Variants in IL27RA observed in about 807,000 individuals in gnomAD.
The protein encoded by IL27RA is interleukin-27 receptor subunit alpha.
Under a neutral mutation model 80.8 loss-of-function variants are expected in IL27RA, and 61 were observed. That is an observed-to-expected ratio of 0.76 (90% CI 0.61 to 0.93). The LOEUF is 0.93. Among genes scored for constraint, IL27RA ranks in the 40% least tolerant of loss-of-function variants. The pLI, the probability that IL27RA is intolerant of heterozygous loss-of-function variation, is 0.00. For missense variants in IL27RA, 735 were observed against 808.1 expected (o/e 0.91, Z 1.10); for synonymous variants, 316 against 332.5 (o/e 0.95, Z 0.54).
intron 6 of IL27RA, among the ~76,000 whole-genome samples, chr19:14,043,988 C>T (rs1289861211): frequency 7.1e-6 from 1 of 141,204 alleles, no homozygotes; most frequent in Non-Finnish European, 1.5e-5. Context: ...GTGGAGGTTG[C>T]AGTGAGCTGA....
intron 10 of IL27RA, 33 bp from the exon 11 acceptor site, chr19:14,050,725 C>G (rs780089133): frequency 2.5e-6 from 4 of 1,592,452 alleles, no homozygotes; most frequent in Non-Finnish European, 8.6e-7. Context: ...TAGGCTTGAC[C>G]ACCTCCCCAA....
chr19:14,049,037 G>A lies in IL27RA; in HGVS notation c.1198G>A (p.Gly400Ser). 6.2e-7 allele frequency: 1 copy of A among 1,614,026 alleles called. No homozygotes were observed. Among genetic ancestry groups the A allele is most frequent in the Non-Finnish European group, 8.5e-7 (1 of 1,179,964 alleles). Residue 400 changes from glycine to serine, a missense_variant, in exon 9 of 14, where the codon GGC (glycine) becomes AGC (serine). Transcript: ENST00000263379. ...RITVTAVSAS[G>S]LASASSVWGF... ...CACTGTGACCGCAGTCTCTGCTTCAGGCTTGGCCTCTGCATCCTCCGTCTG... is the reference window on the plus strand; with the variant it reads ...CACTGTGACCGCAGTCTCTGCTTCAAGCTTGGCCTCTGCATCCTCCGTCTG...
At chr19:14,046,978 CAG>C (rs748867466) in intron 8 of IL27RA, among the ~76,000 whole-genome samples, 3 of 151,630 alleles carry the variant, frequency 2.0e-5, no homozygotes, top group African/African-American at 4.8e-5. Flanking sequence ...GCCTGGGTGA[CAG>C]AGTGAGACTC....
intron 10 of IL27RA, 83 bp downstream of exon 10, chr19:14,049,397 G>A: frequency 6.9e-7 from 1 of 1,442,906 alleles, no homozygotes; most frequent in Non-Finnish European, 9.4e-7. Flanking sequence ...GTCCCCACGT[G>A]GGCCTCTTTG....
chr19:14,044,316 C>T (rs57338408), intron 6 of IL27RA, among the ~76,000 whole-genome samples: 57,467 of 151,516 alleles, frequency 0.38, 12,434 homozygotes, highest in African/African-American at 0.58. Flanking sequence ...CTTGGCTCAC[C>T]GCAACCTCCG....
chr19:14,052,011 G>A, intron 13 of IL27RA, 38 bp downstream of exon 13: 1 of 1,567,796 alleles, frequency 6.4e-7, no homozygotes. Context: ...CCCTCTGGGG[G>A]ACTGGGGAGT....
intron 2 of IL27RA, among the ~76,000 whole-genome samples, chr19:14,035,845 A>T (rs1555764646): frequency 1.3e-5 from 2 of 152,050 alleles, no homozygotes; most frequent in Non-Finnish European, 1.5e-5. Flanking sequence ...CAGCGGTGCG[A>T]TCATAGCTCA....
chr19:14,045,740 C>T (rs934372749), intron 6 of IL27RA, among the ~76,000 whole-genome samples: 4 of 151,398 alleles, frequency 2.6e-5, no homozygotes, highest in Admixed American at 2.6e-4. Context: ...AAATTTTGCA[C>T]CTGGCCAGGT....
At chr19:14,038,636 G>A (rs995485324) in intron 2 of IL27RA, among the ~76,000 whole-genome samples, 1 of 151,124 alleles carries the variant, frequency 6.6e-6, no homozygotes, top group Non-Finnish European at 1.5e-5. Flanking sequence ...TGTAATTCCA[G>A]TACTTTGGGA....
chr19:14,046,021 G>A (rs1391941727), intron 6 of IL27RA, 133 bp from the exon 7 acceptor site: 13 of 863,976 alleles, frequency 1.5e-5, no homozygotes, highest in Admixed American at 7.4e-5. Context: ...TGAAGACTCC[G>A]TCTCAAAAAA....
rs201507486 is a variant in IL27RA at position 14,052,202 on chromosome 19, C to T, written c.1823C>T (p.Pro608Leu). 19 of 1,606,982 alleles carry T rather than the reference C, an allele frequency of 1.2e-5. No individual in the cohort carries two copies. The highest frequency in any genetic ancestry group is 1.7e-4 in the Middle Eastern group (1 of 6,012). ...TCCCAGCCCGCCCAGGCCACCGCCCCGCTTGACTCTGGGTATGAGAAGCAC... is the reference window on the plus strand; with the variant it reads ...TCCCAGCCCGCCCAGGCCACCGCCCTGCTTGACTCTGGGTATGAGAAGCAC... ...ESSQPAQATA[P>L]LDSGYEKHFL... is the part of the protein sequence containing the mutation. Residue 608 changes from proline to leucine, a missense_variant, in exon 14 of 14, where the codon CCG becomes CTG. By Grantham distance (98) the Pro-to-Leu change is moderately conservative. Coordinates refer to ENST00000263379, the MANE Select transcript of IL27RA (RefSeq NM_004843.4).
chr19:14,049,417 C>A, intron 10 of IL27RA, 103 bp downstream of exon 10: 2 of 1,205,826 alleles, frequency 1.7e-6, no homozygotes, highest in South Asian at 1.6e-5. Context: ...GGCCCAGGGA[C>A]CATACATGGT....
intron 8 of IL27RA, among the ~76,000 whole-genome samples, chr19:14,047,254 T>A: frequency 6.6e-6 from 1 of 151,528 alleles, no homozygotes; most frequent in Non-Finnish European, 1.5e-5. Context: ...TTCACCATGT[T>A]GGTTTGGCTG....
rs917542563 is a variant in IL27RA at position 14,052,418 on chromosome 19, T to G, written c.*128T>G. ...ACTCAGAGAGGCTGAGTCACTTACC[T>G]GAGGACACCCAGCCAGGCAGAGCTG... On this transcript the variant is annotated 3_prime_UTR_variant, in exon 14 of 14. Transcript: ENST00000263379. 4.1e-6 allele frequency: 3 copies of G among 724,410 alleles called. No individual in the cohort carries two copies. The highest frequency in any genetic ancestry group is 7.1e-5 in the Admixed American group (2 of 28,100). The allele number at this position is 724,410 out of a possible 1,614,324, so 44.9% of individuals were successfully genotyped here.
intron 3 of IL27RA, 25 bp downstream of exon 3, chr19:14,039,690 T>A (rs763438386): frequency 1.2e-6 from 2 of 1,610,954 alleles, no homozygotes; most frequent in Admixed American, 3.3e-5. Flanking sequence ...GGGTGGGCGC[T>A]CTATGCGGGG....
chr19:14,052,416 C>T lies in IL27RA; in HGVS notation c.*126C>T, dbSNP rs1237861827. On this transcript the variant is annotated 3_prime_UTR_variant, in exon 14 of 14. Transcript: ENST00000263379. ...GGACTCAGAGAGGCTGAGTCACTTACCTGAGGACACCCAGCCAGGCAGAGC... is the reference window on the plus strand; with the variant it reads ...GGACTCAGAGAGGCTGAGTCACTTATCTGAGGACACCCAGCCAGGCAGAGC... 21 of 728,020 alleles carry T rather than the reference C, an allele frequency of 2.9e-5. No homozygotes were observed. The highest frequency in any genetic ancestry group is 4.2e-6 in the Non-Finnish European group (2 of 478,512). 45.1% of individuals were successfully genotyped at this position (728,020 alleles called of 1,614,324 possible). A position where few individuals can be genotyped will look rare whatever the true frequency, so the allele number is the denominator to read the frequency against.
intron 2 of IL27RA, among the ~76,000 whole-genome samples, chr19:14,036,655 A>G (rs1197064851): frequency 6.6e-6 from 1 of 150,996 alleles, no homozygotes; most frequent in African/African-American, 2.4e-5. Flanking sequence ...CATCTGGCTA[A>G]TTTTTGTATT....
intron 2 of IL27RA, among the ~76,000 whole-genome samples, chr19:14,036,701 T>G (rs1383927702): frequency 1.3e-5 from 2 of 152,164 alleles, no homozygotes; most frequent in Admixed American, 1.3e-4. Flanking sequence ...TCAGCCAGGC[T>G]GATCTCAAAC....
intron 6 of IL27RA, among the ~76,000 whole-genome samples, chr19:14,044,848 C>G (rs866919079): frequency 1.3e-5 from 2 of 151,612 alleles, no homozygotes; most frequent in African/African-American, 4.9e-5. Context: ...TACCAGGGGC[C>G]GGGCACAGTG....
Sources: gnomAD v4.1 joint callset for allele counts (sites outside exome capture counted in the v4.1 genomes callset) on GRCh38, gnomAD v4.1.1 for gene constraint, MANE v1.5 for transcripts, NCBI Gene and HGNC (gene_info 2026-07-23, HGNC 2026-07-21) for gene names.